SCN2A: variants seen among roughly 807,000 people sequenced by gnomAD.
The protein encoded by SCN2A is sodium voltage-gated channel alpha subunit 2.
SCN2A carries 20 observed loss-of-function variants against 188.7 expected under a neutral mutation model. The observed-to-expected ratio is 0.11, with a 90% CI of 0.07 to 0.15. The LOEUF (loss-of-function observed/expected upper bound fraction) is 0.15, where lower values mean the gene tolerates loss of function less well. SCN2A is among the 10% of genes least tolerant of loss of function. SCN2A has a pLI of 1.00. For missense variants in SCN2A, 1,278 were observed against 2,445.0 expected, an observed-to-expected ratio of 0.52 and a Z score of 10.07; for synonymous variants, 804 against 833.1, an observed-to-expected ratio of 0.97 and a Z score of 0.60.
chr2:165,296,396 C>A, intron 2 of SCN2A: 1 of 334,950 alleles, frequency 3.0e-6, no homozygotes, highest in Non-Finnish European at 5.6e-6. Context: ...GTAAATTGAC[C>A]CTGATTCCCT....
chr2:165,362,930 G>A (rs1221420008), intron 17 of SCN2A, among the ~76,000 whole-genome samples: 1 of 152,104 alleles, frequency 6.6e-6, no homozygotes, highest in Non-Finnish European at 1.5e-5. Flanking sequence ...AAGGAATCAT[G>A]ATTGTTGCAA....
intron 3 of SCN2A, among the ~76,000 whole-genome samples, chr2:165,307,603 T>C (rs1378095185): frequency 6.6e-6 from 1 of 152,136 alleles, no homozygotes; most frequent in Non-Finnish European, 1.5e-5. Flanking sequence ...TCTTTGCATT[T>C]AATCTTTTTA....
At chr2:165,291,333 C>T (rs879805037) in intron 1 of SCN2A, among the ~76,000 whole-genome samples, 4 of 150,728 alleles carry the variant, frequency 2.7e-5, no homozygotes, top group Admixed American at 6.6e-5. Flanking sequence ...CATGAGCCAC[C>T]GGGACTTGTC....
chr2:165,311,401 C>T (rs1697420364), intron 7 of SCN2A, among the ~76,000 whole-genome samples: 1 of 151,998 alleles, frequency 6.6e-6, no homozygotes. Context: ...CTCTCCATAG[C>T]TTAAAAATAA....
Position 165,365,277 on chromosome 2 carries a change from T to C in SCN2A, c.3520+14T>C, listed in dbSNP as rs924574661. 5 of 1,613,478 alleles carry C rather than the reference T, an allele frequency of 3.1e-6. No homozygotes were observed. Among genetic ancestry groups the C allele is most frequent in the Admixed American group, 3.3e-5 (2 of 60,006 alleles). ...GTTTTACAGAAGGTAAGCAAAACAA[T>C]AACATATGTGGTCTTGAGTATCCTC... On this transcript the variant is annotated intron_variant, in intron 18 of 26. Transcript: ENST00000375437.
intron 14 of SCN2A, among the ~76,000 whole-genome samples, chr2:165,340,237 T>G (rs1413780549): frequency 6.6e-6 from 1 of 152,180 alleles, no homozygotes; most frequent in African/African-American, 2.4e-5. Flanking sequence ...CAAAAATTTA[T>G]TGGAAAACAG....
chr2:165,306,356 T>C (rs1697131219), intron 3 of SCN2A, among the ~76,000 whole-genome samples: 1 of 152,008 alleles, frequency 6.6e-6, no homozygotes, highest in African/African-American at 2.4e-5. Flanking sequence ...TGCCACGGGG[T>C]GTTATTTTTC....
Position 165,374,984 on chromosome 2 carries a change from T to G in SCN2A, c.4254+18T>G. On this transcript the variant is annotated intron_variant, in intron 22 of 26. Transcript: ENST00000375437. ...TTCAAGTAGTAAGTAATCACTTTAT[T>G]ATTTTCCATGATGTGTAATTAAAAT... The G allele has an allele frequency of 6.2e-7, 1 of 1,606,672 alleles. No individual in the cohort carries two copies. Among genetic ancestry groups the G allele is most frequent in the Admixed American group, 1.7e-5 (1 of 59,726 alleles).
In SCN2A at chr2:165,386,115, G is replaced by T. The variant is rs117043201; in HGVS notation, c.4552-631G>T. 2.0e-3 allele frequency among the ~76,000 whole-genome samples: 309 copies of T among 152,172 alleles called. 6 individuals are homozygous for T. In the East Asian group the frequency reaches 0.045, roughly 22 times the overall value. On this transcript the variant is annotated intron_variant, in intron 25 of 26. Transcript: ENST00000375437. ...ACTTTCTTTAATAGAATAGAACATT[G>T]TAATAATGTTCCATTGCATTTGACC... is the stretch of plus-strand genomic sequence containing the variant.
intron 3 of SCN2A, among the ~76,000 whole-genome samples, chr2:165,298,659 A>G (rs1696632396): frequency 6.6e-6 from 1 of 152,194 alleles, no homozygotes; most frequent in Non-Finnish European, 1.5e-5. Flanking sequence ...AATAAATAAT[A>G]AAGTTGGAAT....
chr2:165,294,221 A>G, intron 1 of SCN2A: 1 of 565,646 alleles, frequency 1.8e-6, no homozygotes, highest in Non-Finnish European at 2.2e-6. Context: ...AAATCTGCAG[A>G]GGGACCACTT....
At chr2:165,252,091 T>G (rs1482557461) in intron 1 of SCN2A, among the ~76,000 whole-genome samples, 2 of 151,950 alleles carry the variant, frequency 1.3e-5, no homozygotes, top group Non-Finnish European at 2.9e-5. Flanking sequence ...AATCTTATAT[T>G]GTTGGTGTCT....
At chr2:165,368,353 A>C (rs1476782959) in intron 19 of SCN2A, among the ~76,000 whole-genome samples, 2 of 152,146 alleles carry the variant, frequency 1.3e-5, no homozygotes, top group Non-Finnish European at 2.9e-5. Flanking sequence ...GGCAGGGTGC[A>C]CCATGGGTGG....
At chr2:165,342,179 A>G (rs1449040010) in intron 14 of SCN2A, 117 bp from the exon 15 acceptor site, 16 of 973,298 alleles carry the variant, frequency 1.6e-5, no homozygotes, top group Non-Finnish European at 2.5e-5. Context: ...TTGGACCTAA[A>G]CCAATTTTTT....
intron 17 of SCN2A, among the ~76,000 whole-genome samples, chr2:165,356,542 T>C (rs192938299): frequency 4.5e-4 from 68 of 152,352 alleles, no homozygotes; most frequent in African/African-American, 1.4e-3. Flanking sequence ...GGTGAATATT[T>C]CCCTAATAGT....
chr2:165,370,639 G>A (rs964649566), intron 20 of SCN2A: 9 of 271,722 alleles, frequency 3.3e-5, no homozygotes, highest in Non-Finnish European at 5.8e-5. Context: ...TTTTTCACAG[G>A]CATCTTTGAC....
chr2:165,261,636 C>G (rs868393977), intron 1 of SCN2A, among the ~76,000 whole-genome samples: 10 of 152,152 alleles, frequency 6.6e-5, no homozygotes, highest in African/African-American at 2.4e-4. Context: ...TTGGGACGTC[C>G]TTCATATTGA....
chr2:165,364,871 CAGG>C (rs1351230759), intron 17 of SCN2A, among the ~76,000 whole-genome samples: 1 of 152,102 alleles, frequency 6.6e-6, no homozygotes, highest in Non-Finnish European at 1.5e-5. Flanking sequence ...AAGCTTTCTG[CAGG>C]ATTTTCTTTC....
chr2:165,353,513 G>C (rs949318954), intron 16 of SCN2A, among the ~76,000 whole-genome samples: 3 of 152,132 alleles, frequency 2.0e-5, no homozygotes, highest in Non-Finnish European at 4.4e-5. Flanking sequence ...AAATACCTGA[G>C]ACTGGGTAAT....
Sources: allele counts gnomAD v4.1 joint callset (sites outside exome capture counted in the v4.1 genomes callset), GRCh38; gene constraint gnomAD v4.1.1; transcripts MANE v1.5; gene names NCBI Gene and HGNC (gene_info 2026-07-23, HGNC 2026-07-21).